The following LAMB4 variants were observed in gnomAD, a reference collection of about 807,000 sequenced individuals.
The protein encoded by LAMB4 is laminin subunit beta 4, also known as laminin subunit beta-4.
A neutral mutation model predicts 199.2 loss-of-function variants in LAMB4; 196 were observed. The ratio of observed to expected loss-of-function variants is 0.98; its 90% confidence interval spans 0.88 to 1.11. LAMB4 has a LOEUF of 1.11. Ranked by LOEUF, LAMB4 falls within the 50% of genes least tolerant of loss-of-function variation. LAMB4 has a pLI of 0.00. For missense variants in LAMB4, 2,080 were observed against 2,171.2 expected (o/e 0.96, Z 0.83); for synonymous variants, 744 against 770.6 (o/e 0.97, Z 0.57).
chr7:108,093,457 G>A (rs763408304), intron 12 of LAMB4, among the ~76,000 whole-genome samples: 3 of 152,204 alleles, frequency 2.0e-5, no homozygotes, highest in Non-Finnish European at 4.4e-5. Context: ...TGGAGGCAGA[G>A]AAATCCTTCA....
chr7:108,097,911 C>T (rs1209830882), intron 11 of LAMB4, among the ~76,000 whole-genome samples: 1 of 152,104 alleles, frequency 6.6e-6, no homozygotes, highest in East Asian at 1.9e-4. Context: ...ATGTGAATGC[C>T]CCCTGCTGGT....
intron 33 of LAMB4, among the ~76,000 whole-genome samples, chr7:108,025,811 C>A (rs1425082695): frequency 6.6e-6 from 1 of 152,154 alleles, no homozygotes; most frequent in Non-Finnish European, 1.5e-5. Context: ...TAATAAAGGC[C>A]TCTGTTTGTA....
At position 108,024,077 on chromosome 7, in the gene LAMB4, C is replaced by A. The variant is rs757674118; in HGVS notation, c.5248G>T (p.Val1750Phe). 6.2e-7 allele frequency: 1 copy of A among 1,608,418 alleles called. No individual in the cohort carries two copies. Among genetic ancestry groups the A allele is most frequent in the African/African-American group, 1.3e-5 (1 of 74,770 alleles). Reference protein sequence around the residue: ...DQVVAIKNEIVEQEKKYARCY... With the variant: ...DQVVAIKNEIFEQEKKYARCY... ...CTAGCATATTTTTTTTCTTGTTCAA[C>A]AATTTCATTTTTAATGGCAACAACT... is the stretch of plus-strand genomic sequence containing the variant. Residue 1750 changes from valine (V) to phenylalanine (F), a missense_variant, in exon 34 of 34, where the codon GTT becomes TTT. Physicochemically the swap from Val to Phe is conservative, Grantham distance 50. Transcript: ENST00000388781.
At position 108,105,801 on chromosome 7, in the gene LAMB4, T is replaced by C. The variant is rs370495; in HGVS notation, c.870+16A>G. ...CAGGTAGGACAGCCCACTGTTCTTTTGGATTAATAACTCACCATTCCAGGA... is the reference window on the plus strand; with the variant it reads ...CAGGTAGGACAGCCCACTGTTCTTTCGGATTAATAACTCACCATTCCAGGA... On this transcript the variant is annotated intron_variant, in intron 8 of 33. Coordinates refer to ENST00000388781, the MANE Select transcript of LAMB4 (RefSeq NM_007356.3). 660,838 of 1,609,854 alleles carry C rather than the reference T, an allele frequency of 0.41. 136,683 individuals carry two copies. Among genetic ancestry groups the C allele is most frequent in the Non-Finnish European group, 0.42 (494,108 of 1,176,412 alleles).
At chr7:108,052,933 A>G (rs1411615625) in intron 25 of LAMB4, among the ~76,000 whole-genome samples, 2 of 152,200 alleles carry the variant, frequency 1.3e-5, no homozygotes, top group African/African-American at 4.8e-5. Flanking sequence ...TGAAGTGTAC[A>G]GTTGGGGGAA....
chr7:108,093,407 A>G (rs2037485124), intron 12 of LAMB4, among the ~76,000 whole-genome samples: 1 of 152,202 alleles, frequency 6.6e-6, no homozygotes, highest in Admixed American at 6.5e-5. Flanking sequence ...CCTTACCACA[A>G]CAACCCCTGG....
intron 2 of LAMB4, 129 bp downstream of exon 2, chr7:108,123,002 A>G (rs935207349): frequency 4.3e-5 from 31 of 729,124 alleles, no homozygotes; most frequent in Middle Eastern, 7.6e-4. Context: ...CAATTACACA[A>G]CAACAACAGA....
At chr7:108,095,381 C>T in intron 11 of LAMB4, 44 bp from the exon 12 acceptor site, 2 of 1,400,714 alleles carry the variant, frequency 1.4e-6, no homozygotes, top group Non-Finnish European at 1.0e-6. Flanking sequence ...TTAATTCCTC[C>T]ACTCTTGCAA....
In LAMB4 at chr7:108,091,791, A is replaced by G. The variant is rs1237942317; in HGVS notation, c.1551-15T>C. On this transcript the variant is annotated splice_polypyrimidine_tract_variant and intron_variant, in intron 13 of 33. Transcript: ENST00000388781. ...TGGGTGAGCACCTGAGGAAAAAGCA[A>G]TTCATCATGAAAAAATGCAAAGTAG... The G allele has an allele frequency of 6.2e-6, 10 of 1,612,520 alleles. No individual in the cohort carries two copies. Among genetic ancestry groups the G allele is most frequent in the Non-Finnish European group, 1.7e-6 (2 of 1,179,428 alleles).
At chr7:108,070,134 G>A (rs879514847) in intron 17 of LAMB4, among the ~76,000 whole-genome samples, 1 of 151,952 alleles carries the variant, frequency 6.6e-6, no homozygotes, top group Non-Finnish European at 1.5e-5. Flanking sequence ...TTTTTTACTT[G>A]CTAATATGTT....
intron 29 of LAMB4, among the ~76,000 whole-genome samples, chr7:108,041,322 G>A (rs2035414683): frequency 6.6e-6 from 1 of 152,154 alleles, no homozygotes; most frequent in Non-Finnish European, 1.5e-5. Flanking sequence ...TTCAACCATT[G>A]TGGAAAACAG....
intron 1 of LAMB4, among the ~76,000 whole-genome samples, chr7:108,125,553 G>C (rs1195673080): frequency 1.3e-5 from 2 of 152,174 alleles, no homozygotes; most frequent in African/African-American, 4.8e-5. Context: ...TGAGTTGCTG[G>C]GGTAAAGTGC....
At chr7:108,021,327 G>GTTGGTTTCCCT (rs2034688221), downstream of LAMB4, among the ~76,000 whole-genome samples, 1 of 152,194 alleles carries the variant, frequency 6.6e-6, no homozygotes, top group Non-Finnish European at 1.5e-5. Flanking sequence ...GAGACTGTGG[G>GTTGGTTTCCCT]TTGGTTTCCC....
intron 29 of LAMB4, among the ~76,000 whole-genome samples, chr7:108,042,935 C>CTGTGTGTG (rs1435500482): frequency 2.7e-4 from 29 of 108,952 alleles, no homozygotes; most frequent in African/African-American, 1.7e-3. Flanking sequence ...CTCTCTCAAT[C>CTGTGTGTG]TCTGTGTGTG....
chr7:108,031,348 G>GAAAAAAAAAA (rs1225770663), intron 31 of LAMB4, among the ~76,000 whole-genome samples: 1 of 29,630 alleles, frequency 3.4e-5, no homozygotes, highest in African/African-American at 1.6e-4. Flanking sequence ...AAAAAAAAAA[G>GAAAAAAAAAA]AAAAAAAAGA....
rs374459644 is a variant in LAMB4, at chr7:108,106,579, A to G, written c.592-7T>C. The G allele has an allele frequency of 3.4e-6, 5 of 1,468,330 alleles. No individual in the cohort carries two copies. In the Admixed American group the frequency reaches 5.1e-5, roughly 15 times the overall value. 91.0% of individuals were successfully genotyped at this position (1,468,330 alleles called of 1,614,324 possible). On this transcript the variant is annotated splice_polypyrimidine_tract_variant and splice_region_variant and intron_variant, in intron 6 of 33. Coordinates refer to ENST00000388781, the MANE Select transcript of LAMB4 (RefSeq NM_007356.3). The stretch of plus-strand genomic sequence containing the variant: ...CCAAAACTTTTAAAACAACCTGTAA[A>G]ACAAATATAGATACATTTATAGTAT...
In LAMB4 at chr7:108,103,134, G is replaced by C. The variant is rs773847560; in HGVS notation, c.1090C>G (p.His364Asp). The C allele has an allele frequency of 4.5e-5, 72 of 1,613,452 alleles. No homozygotes were observed. The highest frequency in any genetic ancestry group is 5.6e-5 in the Non-Finnish European group (66 of 1,179,802). The change falls in exon 10 of 34, where the codon CAC (histidine) becomes GAC (aspartate). Residue 364 changes from histidine to aspartate, a missense_variant. Physicochemically the swap from His to Asp is moderately conservative, Grantham distance 81 (BLOSUM62 -1). Transcript: ENST00000388781. The stretch of plus-strand genomic sequence containing the variant: ...TCGCAGTGCTGCCCCTCAGTGTTGT[G>C]CTGGCAGTCTTCACACACGCCCCCG... ...LSGGVCEDCQ[H>D]NTEGQHCDRC...
intron 31 of LAMB4, among the ~76,000 whole-genome samples, chr7:108,033,454 A>T (rs1039071477): frequency 3.9e-5 from 6 of 152,130 alleles, no homozygotes; most frequent in Non-Finnish European, 8.8e-5. Context: ...TCTGTTGCCT[A>T]GACTGGAGTG....
intron 24 of LAMB4, 115 bp downstream of exon 24, chr7:108,057,717 T>G: frequency 3.1e-6 from 2 of 652,286 alleles, no homozygotes; most frequent in Non-Finnish European, 5.5e-6. Flanking sequence ...GTTTTCTAAG[T>G]CCACCTTATT....
Sources: allele counts gnomAD v4.1 joint callset (sites outside exome capture counted in the v4.1 genomes callset), GRCh38; gene constraint gnomAD v4.1.1; transcripts MANE v1.5; gene names NCBI Gene and HGNC (gene_info 2026-07-23, HGNC 2026-07-21).